The following VPS9D1 variants were observed in gnomAD, a reference collection of about 807,000 sequenced individuals.
VPS9D1 encodes VPS9 domain-containing protein 1.
VPS9D1 carries 78 observed loss-of-function variants against 75.8 expected under a neutral mutation model. That is an observed-to-expected ratio of 1.03 (90% CI 0.86 to 1.24). VPS9D1 has a LOEUF of 1.24. Among genes scored for constraint, VPS9D1 ranks in the 50% most tolerant of loss-of-function variants. VPS9D1 has a pLI of 0.00. For missense variants in VPS9D1, 1,057 were observed against 847.7 expected (o/e 1.25, Z -3.07); for synonymous variants, 481 against 385.6 (o/e 1.25, Z -2.90).
In VPS9D1 at chr16:89,710,594, T is replaced by C; in HGVS notation, c.1250A>G (p.Asn417Ser). 1 of 1,597,446 alleles carries C rather than the reference T, an allele frequency of 6.3e-7. No homozygotes were observed. The highest frequency in any genetic ancestry group is 8.6e-7 in the Non-Finnish European group (1 of 1,167,690). The change falls in exon 10 of 15, where the codon AAT becomes AGT. Residue 417 changes from asparagine (N) to serine (S), a missense_variant. Asn to Ser is a conservative substitution (Grantham distance 46). Coordinates refer to ENST00000389386, the MANE Select transcript of VPS9D1 (RefSeq NM_004913.3). Reference protein sequence around the residue: ...QLKTAVEEIHNAVDRLLSLTL... With the variant: ...QLKTAVEEIHSAVDRLLSLTL... ...GGAGGGCCTGGCCTCACCTACGGCA[T>C]TGTGGATCTCCTCCACCGCGGTCTT...
At chr16:89,708,651 G>A in intron 13 of VPS9D1, 120 bp from the exon 14 acceptor site, 2 of 1,163,224 alleles carry the variant, frequency 1.7e-6, no homozygotes, top group Non-Finnish European at 2.4e-6. Context: ...CTGCGCAGAG[G>A]CACCGGAAGG....
chr16:89,709,806 C>A lies in VPS9D1; in HGVS notation c.1359G>T (p.Pro453=), dbSNP rs774093746. The change falls in exon 11 of 15, where the codon CCG becomes CCT. Residue 453 remains proline, a synonymous_variant. Coordinates refer to ENST00000389386, the MANE Select transcript of VPS9D1 (RefSeq NM_004913.3). ...LACIEEPFFS[P]LWPLLLALYR... ...ACAGGGCCAGCAGCAGAGGCCACAG[C>A]GGGGAGAAAAAGGGTTCCTCAATGC... is the stretch of plus-strand genomic sequence containing the variant. 3 of 1,613,708 alleles carry A rather than the reference C, an allele frequency of 1.9e-6. No individual in the cohort carries two copies. The highest frequency in any genetic ancestry group is 2.5e-6 in the Non-Finnish European group (3 of 1,179,918).
intron 3 of VPS9D1, 31 bp downstream of exon 3, chr16:89,716,699 C>CCAGGAGAGCCGCCTACTG: frequency 1.3e-6 from 2 of 1,592,824 alleles, no homozygotes; most frequent in Non-Finnish European, 1.7e-6. Context: ...GGGGGATGCC[C>CCAGGAGAGCCGCCTACTG]CAGGAGAGCC....
chr16:89,707,555 C>G lies in VPS9D1; in HGVS notation c.*306G>C. ...TGTTCATCGCTGAGCCTGCACCCAC[C>G]GAAGCCCAAAGCTTCCCTTCTTGGC... is the stretch of plus-strand genomic sequence containing the variant. On this transcript the variant is annotated 3_prime_UTR_variant, in exon 15 of 15. Coordinates refer to ENST00000389386, the MANE Select transcript of VPS9D1 (RefSeq NM_004913.3). 1 of 323,530 alleles carries G rather than the reference C, an allele frequency of 3.1e-6. No individual in the cohort carries two copies. The highest frequency in any genetic ancestry group is 5.8e-6 in the Non-Finnish European group (1 of 172,328). The allele number at this position is 323,530 out of a possible 1,614,324, so 20.0% of individuals were successfully genotyped here.
intron 2 of VPS9D1, chr16:89,717,046 C>T: frequency 2.8e-6 from 1 of 350,900 alleles, no homozygotes; most frequent in South Asian, 2.9e-5. Context: ...CTCCCGTCCC[C>T]CAACTGACTG....
intron 13 of VPS9D1, 136 bp from the exon 14 acceptor site, chr16:89,708,667 G>A: frequency 2.6e-6 from 3 of 1,138,070 alleles, no homozygotes; most frequent in Non-Finnish European, 3.8e-6. Context: ...GAAGGCAGCT[G>A]GGCATGGTGA....
rs1289934077 is a variant in VPS9D1, at chr16:89,710,763, C to G, written c.1081G>C (p.Gly361Arg). ...GTGTCCCCCAGGGGTGAGGGAGACC[C>G]CACGGGGCCGGGTTGGAGTGGGGGC... is the stretch of plus-strand genomic sequence containing the variant. ...PTPPLQPGPV[G>R]SPSPLGDTAS... Residue 361 changes from glycine (G) to arginine (R), a missense_variant, in exon 10 of 15, where the codon GGG becomes CGG. Transcript: ENST00000389386. 6.4e-7 allele frequency: 1 copy of G among 1,564,052 alleles called. No individual in the cohort carries two copies. Among genetic ancestry groups the G allele is most frequent in the Non-Finnish European group, 8.7e-7 (1 of 1,154,390 alleles).
At chr16:89,719,171 G>A (rs780957107) in intron 1 of VPS9D1, 69 bp from the exon 2 acceptor site, 1 of 1,465,616 alleles carries the variant, frequency 6.8e-7, no homozygotes, top group African/African-American at 1.4e-5. Context: ...TTCCGGCCAG[G>A]TGCCCTTGTG....
At chr16:89,711,814 C>T in intron 8 of VPS9D1, 68 bp downstream of exon 8, 1 of 1,510,506 alleles carries the variant, frequency 6.6e-7, no homozygotes, top group South Asian at 1.2e-5. Flanking sequence ...GGGGCCCACC[C>T]AGGCGGCTCT....
intron 2 of VPS9D1, chr16:89,717,848 C>T (rs552463503): frequency 1.4e-4 from 65 of 456,110 alleles, no homozygotes; most frequent in African/African-American, 9.2e-4. Context: ...TGTGATCCTA[C>T]GTCCAGTGGC....
At chr16:89,710,035 CCT>C (rs1241331757) in intron 10 of VPS9D1, 129 bp from the exon 11 acceptor site, 23 of 1,315,290 alleles carry the variant, frequency 1.7e-5, no homozygotes, top group African/African-American at 3.0e-5. Flanking sequence ...TGCACCCACC[CCT>C]GACCCTCCTC....
In VPS9D1 at chr16:89,716,582, A is replaced by G. The variant is rs1211462438; in HGVS notation, c.311T>C (p.Ile104Thr). 6.2e-7 allele frequency: 1 copy of G among 1,613,408 alleles called. No individual in the cohort carries two copies. The highest frequency in any genetic ancestry group is 8.5e-7 in the Non-Finnish European group (1 of 1,179,824). ...LKPTMPAAAP[I>T]PQPAGRHRRV... ...GCGGTGTCGGCCGGCAGGCTGGGGA[A>G]TGGGAGCAGCTGCAGGCATGGTTGG... Residue 104 changes from isoleucine (I) to threonine (T), a missense_variant, in exon 4 of 15, where the codon ATT becomes ACT. By Grantham distance (89) the Ile-to-Thr change is moderately conservative. Transcript: ENST00000389386.
chr16:89,717,592 A>G (rs2061106077), intron 2 of VPS9D1: 1 of 455,956 alleles, frequency 2.2e-6, no homozygotes, highest in Non-Finnish European at 4.4e-6. Context: ...AAAACTTCTC[A>G]TAGACTCCCA....
intron 12 of VPS9D1, 65 bp from the exon 13 acceptor site, chr16:89,709,021 C>CCCAG: frequency 7.0e-7 from 1 of 1,435,340 alleles, no homozygotes; most frequent in Admixed American, 2.2e-5. Context: ...ACCCCTTATA[C>CCCAG]CCCGCCCACC....
intron 4 of VPS9D1, 31 bp from the exon 5 acceptor site, chr16:89,712,747 C>A: frequency 6.6e-7 from 1 of 1,512,128 alleles, no homozygotes; most frequent in East Asian, 2.3e-5. Flanking sequence ...TGTCTAGACC[C>A]CAGGAAGCCC....
Position 89,712,585 on chromosome 16 carries a change from C to G in VPS9D1, c.543+20G>C. ...GCCCCGCGCCCACGCACCCCCAGGC[C>G]CTCCCTAGCCCCCACTCACCAGGGA... On this transcript the variant is annotated intron_variant, in intron 5 of 14. Transcript: ENST00000389386. The G allele has an allele frequency of 6.2e-7, 1 of 1,608,394 alleles. No individual in the cohort carries two copies. The highest frequency in any genetic ancestry group is 8.5e-7 in the Non-Finnish European group (1 of 1,178,154).
chr16:89,714,524 C>T (rs2061016146), intron 4 of VPS9D1, among the ~76,000 whole-genome samples: 1 of 152,198 alleles, frequency 6.6e-6, no homozygotes, highest in South Asian at 2.1e-4. Context: ...AAGTCAGAGC[C>T]TGACGCCTGG....
chr16:89,708,753 G>C, intron 13 of VPS9D1, 104 bp downstream of exon 13: 1 of 1,286,546 alleles, frequency 7.8e-7, no homozygotes, highest in South Asian at 1.5e-5. Flanking sequence ...CTACAGTGCA[G>C]CCAGCTGGCA....
Position 89,720,829 on chromosome 16 carries a change from CT to C in VPS9D1, c.32del (p.Lys11SerfsTer7). On this transcript the variant is annotated frameshift_variant, in exon 1 of 15. Coordinates refer to ENST00000389386, the MANE Select transcript of VPS9D1 (RefSeq NM_004913.3). LOFTEE classifies it high-confidence loss of function. MAAAAGDGTV[K>X]PLQSAMKLAN... is the part of the protein sequence containing the mutation. ...CAAGCTTCATGGCGCTCTGCAGCGG[CT>C]TCACCGTGCCGTCCCCGGCCGCAGC... 1 of 1,443,452 alleles carries C rather than the reference CT, an allele frequency of 6.9e-7. No homozygotes were observed. Among genetic ancestry groups the C allele is most frequent in the Non-Finnish European group, 9.1e-7 (1 of 1,093,416 alleles). The allele number at this position is 1,443,452 out of a possible 1,614,324, so 89.4% of individuals were successfully genotyped here.
Sources: allele counts gnomAD v4.1 joint callset (sites outside exome capture counted in the v4.1 genomes callset), GRCh38; gene constraint gnomAD v4.1.1; transcripts MANE v1.5; gene names NCBI Gene and HGNC (gene_info 2026-07-23, HGNC 2026-07-21).